Variants in P2RX3 observed in about 807,000 individuals in gnomAD.
The protein encoded by P2RX3 is purinergic receptor P2X 3.
A neutral mutation model predicts 51.5 loss-of-function variants in P2RX3; 41 were observed. The ratio of observed to expected loss-of-function variants is 0.80; its 90% CI spans 0.62 to 1.03. The LOEUF is 1.03. P2RX3 is among the 50% of genes least tolerant of loss of function. P2RX3 has a pLI of 0.00. For missense variants in P2RX3, 459 were observed against 522.1 expected (o/e 0.88, Z 1.18); for synonymous variants, 185 against 191.6 (o/e 0.97, Z 0.29).
rs148675881 is a variant in P2RX3 at position 57,349,527 on chromosome 11, G to A, written c.564-230G>A. 2.8e-3 allele frequency among the ~76,000 whole-genome samples: 431 copies of A among 152,116 alleles called. 2 individuals carry two copies. The highest frequency in any genetic ancestry group is 9.9e-3 in the African/African-American group (411 of 41,494). ...TCCTGCCCTCTCGAACTCCCAGCCT[G>A]GCAGCTGGAGATTAGTCACCGACAT... On this transcript the variant is annotated intron_variant, in intron 6 of 11. Coordinates refer to ENST00000263314, the MANE Select transcript of P2RX3 (RefSeq NM_002559.5).
At chr11:57,351,548 T>G (rs1856548324) in intron 8 of P2RX3, among the ~76,000 whole-genome samples, 1 of 152,220 alleles carries the variant, frequency 6.6e-6, no homozygotes, top group African/African-American at 2.4e-5. Context: ...ACAAACTGTT[T>G]GGAAGCAACT....
At chr11:57,341,165 C>G (rs1856333330) in intron 1 of P2RX3, among the ~76,000 whole-genome samples, 1 of 152,172 alleles carries the variant, frequency 6.6e-6, no homozygotes, top group African/African-American at 2.4e-5. Context: ...TTGGGAAGAG[C>G]ACCTGGGCTG....
chr11:57,356,567 C>G (rs1856634951), intron 8 of P2RX3, among the ~76,000 whole-genome samples: 1 of 152,196 alleles, frequency 6.6e-6, no homozygotes, highest in African/African-American at 2.4e-5. Context: ...TTTCATGAAG[C>G]TCGGAGATTT....
chr11:57,352,606 C>T (rs931174695), intron 8 of P2RX3, among the ~76,000 whole-genome samples: 2 of 152,152 alleles, frequency 1.3e-5, no homozygotes, highest in Admixed American at 6.5e-5. Context: ...ATTATAAAGA[C>T]CCCCAACTAC....
intron 6 of P2RX3, among the ~76,000 whole-genome samples, chr11:57,349,033 T>C (rs1423868069): frequency 6.6e-6 from 1 of 152,192 alleles, no homozygotes; most frequent in Non-Finnish European, 1.5e-5. Flanking sequence ...TCTCGTCCCA[T>C]TCTTTTTCCC....
chr11:57,359,319 AG>A (rs138951786), intron 8 of P2RX3, among the ~76,000 whole-genome samples: 2,045 of 152,210 alleles, frequency 0.013, 56 homozygotes, highest in African/African-American at 0.047. Flanking sequence ...CCCAGAAACC[AG>A]GGGGGAGGAA....
Position 57,350,836 on chromosome 11 carries a change from C to G in P2RX3, c.780C>G (p.Tyr260Ter). Residue 260 changes from tyrosine to a stop codon, truncating the protein, a stop_gained, in exon 8 of 12, where the codon TAC (tyrosine) becomes TAG (stop). Coordinates refer to ENST00000263314, the MANE Select transcript of P2RX3 (RefSeq NM_002559.5). LOFTEE classifies it high-confidence loss of function. ...DKAWDQCIPK[Y>*]SFTRLDSVSE... ...CCTGGGACCAGTGCATCCCCAAATA[C>G]TCCTTCACCCGGCTCGACAGCGTTT... 1 of 1,614,170 alleles carries G rather than the reference C, an allele frequency of 6.2e-7. No homozygotes were observed.
chr11:57,338,760 T>C (rs1016869392), intron 1 of P2RX3, 91 bp downstream of exon 1: 4 of 816,822 alleles, frequency 4.9e-6, no homozygotes, highest in Non-Finnish European at 6.1e-6. Context: ...TCCAGCTTCC[T>C]GAGCTCCTCT....
chr11:57,354,527 G>C (rs1224418595), intron 8 of P2RX3, among the ~76,000 whole-genome samples: 1 of 152,156 alleles, frequency 6.6e-6, no homozygotes, highest in Non-Finnish European at 1.5e-5. Flanking sequence ...TCTTCAGGAG[G>C]CTCTCTTCTC....
chr11:57,347,718 T>G (rs540679108), intron 4 of P2RX3, among the ~76,000 whole-genome samples: 1 of 152,224 alleles, frequency 6.6e-6, no homozygotes, highest in African/African-American at 2.4e-5. Context: ...TGGCCTGTGC[T>G]GTCCAGGAGG....
intron 8 of P2RX3, among the ~76,000 whole-genome samples, chr11:57,353,942 G>A (rs770316239): frequency 2.0e-5 from 3 of 150,280 alleles, no homozygotes; most frequent in African/African-American, 4.9e-5. Context: ...AGAGTAAGGC[G>A]GTCACTTTAC....
chr11:57,368,084 C>T lies in P2RX3; in HGVS notation c.918C>T (p.Asp306=), dbSNP rs750733213. The change falls in exon 9 of 12, where the codon GAC becomes GAT. Residue 306 remains aspartate, a synonymous_variant. Transcript: ENST00000263314. ...TLLKAFGIRF[D]VLVYGNAGKF... ...TGAAGGCTTTTGGCATCCGCTTCGA[C>T]GTGCTGGTATACGGGAATGTGAGTC... 19 of 1,614,034 alleles carry T rather than the reference C, an allele frequency of 1.2e-5. No homozygotes were observed. Among genetic ancestry groups the T allele is most frequent in the African/African-American group, 4.0e-5 (3 of 74,926 alleles).
At chr11:57,360,527 G>A (rs1856698663) in intron 8 of P2RX3, among the ~76,000 whole-genome samples, 1 of 152,096 alleles carries the variant, frequency 6.6e-6, no homozygotes. Flanking sequence ...AGGCGCGGTG[G>A]CTCATTCCTG....
intron 2 of P2RX3, 44 bp from the exon 3 acceptor site, chr11:57,347,072 T>C (rs769590886): frequency 1.9e-5 from 29 of 1,542,792 alleles, no homozygotes; most frequent in Middle Eastern, 1.7e-4. Flanking sequence ...GTCTCACTGA[T>C]TGGGACTGTT....
At chr11:57,347,086 T>A (rs1201545150) in intron 2 of P2RX3, 30 bp from the exon 3 acceptor site, 1 of 1,594,290 alleles carries the variant, frequency 6.3e-7, no homozygotes, top group African/African-American at 1.3e-5. Flanking sequence ...GACTGTTGGA[T>A]GTTTTTCTCT....
intron 5 of P2RX3, 92 bp downstream of exon 5, chr11:57,348,355 G>A: frequency 8.2e-7 from 1 of 1,225,978 alleles, no homozygotes. Context: ...CTTGAGGAGG[G>A]TCTGTGGCTT....
intron 8 of P2RX3, among the ~76,000 whole-genome samples, 166 bp from the exon 9 acceptor site, chr11:57,367,843 G>T (rs1856819472): frequency 6.6e-6 from 1 of 152,190 alleles, no homozygotes; most frequent in South Asian, 2.1e-4. Flanking sequence ...TGATGCTTGT[G>T]TGAGGGGTCA....
chr11:57,371,998 G>T lies in P2RX3; in HGVS notation c.*2001G>T, dbSNP rs981685416. ...GTGTGTGAGCCTGAGGTTGTCCTCC[G>T]CATATCTGAACTAAGTTACCACTTC... is the stretch of plus-strand genomic sequence containing the variant. On this transcript the variant is annotated 3_prime_UTR_variant, in exon 12 of 12. Transcript: ENST00000263314. Among the ~76,000 whole-genome samples, 2 of 150,710 alleles carry T rather than the reference G, an allele frequency of 1.3e-5. No homozygotes were observed. Among genetic ancestry groups the T allele is most frequent in the African/African-American group, 4.9e-5 (2 of 41,062 alleles).
At chr11:57,357,012 C>A (rs1161855912) in intron 8 of P2RX3, among the ~76,000 whole-genome samples, 1 of 152,114 alleles carries the variant, frequency 6.6e-6, no homozygotes, top group African/African-American at 2.4e-5. Flanking sequence ...ATCTTGTTGA[C>A]CCTGAAGAGA....
Sources: gnomAD v4.1 joint callset for allele counts (sites outside exome capture counted in the v4.1 genomes callset) on GRCh38, gnomAD v4.1.1 for gene constraint, MANE v1.5 for transcripts, NCBI Gene and HGNC (gene_info 2026-07-23, HGNC 2026-07-21) for gene names.